Variants in TMTC3 observed in about 807,000 individuals in gnomAD.
TMTC3 encodes transmembrane O-mannosyltransferase targeting cadherins 3.
A neutral mutation model predicts 92.2 loss-of-function variants in TMTC3; 52 were observed. The ratio of observed to expected loss-of-function variants is 0.56; its 90% CI spans 0.45 to 0.71. TMTC3 has a LOEUF of 0.71. TMTC3 is among the 30% of genes least tolerant of loss of function. The probability of loss-of-function intolerance (pLI) is 0.00; values close to 1 mark genes in which losing one functional copy is unlikely to be tolerated. For missense variants in TMTC3, 896 were observed against 1,057.1 expected (o/e 0.85, Z 2.11); for synonymous variants, 339 against 363.3 (o/e 0.93, Z 0.76).
At chr12:88,173,023 A>T in intron 8 of TMTC3, 1 of 1,351,972 alleles carries the variant, frequency 7.4e-7, no homozygotes, top group Non-Finnish European at 9.7e-7. Context: ...GTTACTGAGA[A>T]TAAAGTCTCA....
At position 88,196,326 on chromosome 12, in the gene TMTC3, G is replaced by A. The variant is rs1487429767; in HGVS notation, c.*677G>A. ...GCTACATACACACATTTTTAATGGT[G>A]CTCATATATACTGTATTTTTTGTTG... On this transcript the variant is annotated 3_prime_UTR_variant, in exon 14 of 14. Transcript: ENST00000266712. The A allele has an allele frequency of 6.6e-6, 1 of 152,204 alleles. No individual in the cohort carries two copies. The highest frequency in any genetic ancestry group is 1.5e-5 in the Non-Finnish European group (1 of 67,854). The allele number at this position is 152,204 out of a possible 1,614,324, so 9.4% of individuals were successfully genotyped here.
At chr12:88,180,020 A>G (rs948478686) in intron 10 of TMTC3, among the ~76,000 whole-genome samples, 2 of 152,154 alleles carry the variant, frequency 1.3e-5, no homozygotes, top group Admixed American at 1.3e-4. Flanking sequence ...AAAGATTTGC[A>G]TCTTTCCCTA....
chr12:88,150,094 A>C (rs1458483906), intron 2 of TMTC3, among the ~76,000 whole-genome samples: 3 of 152,190 alleles, frequency 2.0e-5, no homozygotes, highest in African/African-American at 7.2e-5. Context: ...GGTAATATAT[A>C]AGAAAAGAGG....
At chr12:88,148,709 C>A (rs183104174) in intron 2 of TMTC3, among the ~76,000 whole-genome samples, 1 of 150,686 alleles carries the variant, frequency 6.6e-6, no homozygotes, top group African/African-American at 2.4e-5. Flanking sequence ...TTGGTTATTT[C>A]TTTGCCTGTG....
chr12:88,161,026 T>C (rs535911494), intron 6 of TMTC3, among the ~76,000 whole-genome samples, 175 bp downstream of exon 6: 122 of 152,158 alleles, frequency 8.0e-4, no homozygotes, highest in Non-Finnish European at 1.3e-3. Context: ...TTTTGACATA[T>C]GTATACACCC....
In TMTC3 at chr12:88,176,319, G is replaced by A; in HGVS notation, c.1432G>A (p.Asp478Asn). 1 of 1,591,862 alleles carries A rather than the reference G, an allele frequency of 6.3e-7. No homozygotes were observed. Among genetic ancestry groups the A allele is most frequent in the Non-Finnish European group, 8.6e-7 (1 of 1,168,828 alleles). The part of the protein sequence containing the change: ...YFLQATHVQP[D>N]DIGAHMNVGR... ...CTTACAGGCTACCCATGTTCAGCCA[G>A]GTAAGCATTATTAACTAATAAAATC... Residue 478 changes from aspartate (D) to asparagine (N), a missense_variant and splice_region_variant, in exon 10 of 14, where the codon GAT (aspartate) becomes AAT (asparagine). Coordinates refer to ENST00000266712, the MANE Select transcript of TMTC3 (RefSeq NM_181783.4).
Position 88,195,128 on chromosome 12 carries a change from A to C in TMTC3, c.2224A>C (p.Lys742Gln). 6.2e-7 allele frequency: 1 copy of C among 1,613,870 alleles called. No homozygotes were observed. Among genetic ancestry groups the C allele is most frequent in the Non-Finnish European group, 8.5e-7 (1 of 1,179,922 alleles). ...YPDHIKGLIL[K>Q]GDILMNQKKD... ...TGATCATATCAAGGGCCTCATTTTA[A>C]AAGGAGACATTCTGATGAATCAAAA... The change falls in exon 14 of 14, where the codon AAA becomes CAA. Residue 742 changes from lysine to glutamine, a missense_variant. Transcript: ENST00000266712.
intron 2 of TMTC3, among the ~76,000 whole-genome samples, chr12:88,150,248 C>T (rs1336581964): frequency 1.3e-5 from 2 of 152,042 alleles, no homozygotes; most frequent in Admixed American, 6.6e-5. Flanking sequence ...AAGAGGAGTA[C>T]GGTGGGAGGT....
intron 1 of TMTC3, among the ~76,000 whole-genome samples, chr12:88,145,651 T>C (rs886922971): frequency 3.9e-5 from 6 of 152,146 alleles, no homozygotes; most frequent in Non-Finnish European, 8.8e-5. Context: ...AGGGTAGATA[T>C]GGTAATCTAT....
chr12:88,161,560 G>C (rs895899612), intron 6 of TMTC3, among the ~76,000 whole-genome samples: 4 of 151,832 alleles, frequency 2.6e-5, no homozygotes, highest in African/African-American at 9.7e-5. Flanking sequence ...TTTGATAATT[G>C]ATATAGTTTG....
Position 88,148,154 on chromosome 12 carries a change from T to C in TMTC3, c.-28-134T>C, listed in dbSNP as rs566841614. The C allele has an allele frequency of 7.5e-4, 436 of 579,768 alleles. 5 individuals are homozygous for C. The South Asian group carries it at 9.9e-3, about 13-fold the overall frequency. 35.9% of individuals were successfully genotyped at this position (579,768 alleles called of 1,614,324 possible). A position where few individuals can be genotyped will look rare whatever the true frequency, so the allele number is the denominator to read the frequency against. On this transcript the variant is annotated intron_variant, in intron 1 of 13. Transcript: ENST00000266712. ...TTTCAACAATGTGACTAGCTTATGC[T>C]TCTTAGAAGTGGATGGCATTTTAGC...
intron 4 of TMTC3, among the ~76,000 whole-genome samples, chr12:88,156,003 G>A (rs535317266): frequency 3.3e-5 from 5 of 152,156 alleles, no homozygotes; most frequent in East Asian, 1.9e-4. Context: ...CCACCTACCC[G>A]GAAGAATGAG....
chr12:88,153,770 TA>T (rs2138368400), intron 3 of TMTC3, among the ~76,000 whole-genome samples: 1 of 152,178 alleles, frequency 6.6e-6, no homozygotes, highest in East Asian at 1.9e-4. Flanking sequence ...TGTTTAGAAA[TA>T]TATACATGAA....
intron 4 of TMTC3, among the ~76,000 whole-genome samples, chr12:88,159,413 C>T (rs1313641904): frequency 6.6e-6 from 1 of 152,034 alleles, no homozygotes; most frequent in Non-Finnish European, 1.5e-5. Flanking sequence ...ATGGCTCGTG[C>T]CTGGAATCCC....
intron 5 of TMTC3, 108 bp from the exon 6 acceptor site, chr12:88,160,570 AT>A (rs1565946637): frequency 3.1e-6 from 3 of 981,360 alleles, no homozygotes. Flanking sequence ...TTCCACATTA[AT>A]TTTATAATTA....
intron 6 of TMTC3, 22 bp from the exon 7 acceptor site, chr12:88,166,307 CT>C (rs746712283): frequency 7.0e-6 from 11 of 1,581,728 alleles, no homozygotes; most frequent in East Asian, 4.5e-5. Flanking sequence ...TATTTGTAAT[CT>C]TTTTTTTAAT....
rs776810614 is a variant in TMTC3 at position 88,195,029 on chromosome 12, G to T, written c.2125G>T (p.Ala709Ser). 1 of 1,613,784 alleles carries T rather than the reference G, an allele frequency of 6.2e-7. No individual in the cohort carries two copies. The highest frequency in any genetic ancestry group is 1.1e-5 in the South Asian group (1 of 91,060). ...ADFRSALFNLALLYSQTAKEL... is the reference protein window; with the variant it reads ...ADFRSALFNLSLLYSQTAKEL... ...CTTCCGAAGTGCTTTGTTTAATCTGGCTCTCCTGTATTCCCAGACTGCAAA... is the reference window on the plus strand; with the variant it reads ...CTTCCGAAGTGCTTTGTTTAATCTGTCTCTCCTGTATTCCCAGACTGCAAA... The change falls in exon 14 of 14, where the codon GCT becomes TCT. Residue 709 changes from alanine (A) to serine (S), a missense_variant. By Grantham distance (99) the Ala-to-Ser change is moderately conservative (BLOSUM62 1). Transcript: ENST00000266712.
intron 1 of TMTC3, among the ~76,000 whole-genome samples, chr12:88,143,057 C>G (rs2040782152): frequency 6.6e-6 from 1 of 152,076 alleles, no homozygotes; most frequent in Non-Finnish European, 1.5e-5. Flanking sequence ...CTCGTCTGCT[C>G]ACAATCATGC....
intron 7 of TMTC3, 146 bp downstream of exon 7, chr12:88,166,728 TCCCA>T: frequency 2.2e-6 from 2 of 920,038 alleles, no homozygotes; most frequent in Non-Finnish European, 3.1e-6. Context: ...TTTGAGTTTA[TCCCA>T]AAATTCTCAG....
Sources: allele counts gnomAD v4.1 joint callset (sites outside exome capture counted in the v4.1 genomes callset), GRCh38; gene constraint gnomAD v4.1.1; transcripts MANE v1.5; gene names NCBI Gene and HGNC (gene_info 2026-07-23, HGNC 2026-07-21).